The following PTPRT variants were observed in gnomAD, a reference collection of about 807,000 sequenced individuals.
The protein encoded by PTPRT is receptor-type tyrosine-protein phosphatase T.
In PTPRT, 56 loss-of-function variants were observed where a neutral mutation model predicts 176.8. The observed-to-expected ratio is 0.32, with a 90% CI of 0.26 to 0.40. The LOEUF (loss-of-function observed/expected upper bound fraction) is 0.40. PTPRT is among the 10% of genes least tolerant of loss of function. The pLI is 1.00. For missense variants in PTPRT, 1,540 were observed against 1,908.2 expected (o/e 0.81, Z 3.60); for synonymous variants, 783 against 739.0 (o/e 1.06, Z -0.96).
At chr20:42,498,705 C>A (rs1002284975) in intron 7 of PTPRT, among the ~76,000 whole-genome samples, 9 of 152,092 alleles carry the variant, frequency 5.9e-5, no homozygotes, top group African/African-American at 9.7e-5. Context: ...ATGACAGGAA[C>A]CTTGGTTTCC....
At chr20:42,745,028 TTC>T (rs1342204128) in intron 6 of PTPRT, among the ~76,000 whole-genome samples, 1 of 152,172 alleles carries the variant, frequency 6.6e-6, no homozygotes, top group Non-Finnish European at 1.5e-5. Flanking sequence ...AGCAGAAAAT[TTC>T]TCTCAGATCT....
rs190530653 is a variant in PTPRT at position 42,334,652 on chromosome 20, A to T, written c.1865+15976T>A. On this transcript the variant is annotated intron_variant, in intron 11 of 30. Coordinates refer to ENST00000373187, the MANE Select transcript of PTPRT (RefSeq NM_007050.6). The stretch of plus-strand genomic sequence containing the variant: ...TCAAATTGGGGAAAATAATCTGGCA[A>T]TGGTTTTCAAGACATAAATGTTTTT... Among the ~76,000 whole-genome samples, 677 of 152,338 alleles carry T rather than the reference A, an allele frequency of 4.4e-3. 3 individuals are homozygous for T. Among genetic ancestry groups the T allele is most frequent in the Non-Finnish European group, 6.6e-3 (449 of 68,030 alleles).
At chr20:42,586,920 C>T (rs918476712) in intron 7 of PTPRT, among the ~76,000 whole-genome samples, 2 of 152,126 alleles carry the variant, frequency 1.3e-5, no homozygotes, top group Admixed American at 1.3e-4. Context: ...ACCAAGTCAG[C>T]GCAGTCATTG....
chr20:42,636,880 T>C (rs2145916813), intron 7 of PTPRT, among the ~76,000 whole-genome samples: 1 of 152,126 alleles, frequency 6.6e-6, no homozygotes, highest in Admixed American at 6.5e-5. Context: ...TGTGTGGATC[T>C]GATGGCTTTT....
chr20:42,692,234 CAA>C (rs1188685260), intron 6 of PTPRT, among the ~76,000 whole-genome samples: 1 of 152,214 alleles, frequency 6.6e-6, no homozygotes, highest in Non-Finnish European at 1.5e-5. Context: ...CAAGACTTCA[CAA>C]AGATATCACA....
In PTPRT at chr20:42,297,857, C is replaced by T. The variant is rs562717352; in HGVS notation, c.2140-15332G>A. 1.1e-4 allele frequency among the ~76,000 whole-genome samples: 17 copies of T among 152,202 alleles called. No homozygotes were observed. In the South Asian group the frequency reaches 3.1e-3, roughly 28 times the overall value. The stretch of plus-strand genomic sequence containing the variant: ...AAAATTAGATCCATAATTTACATCA[C>T]ACACAAAAACAAAGACCAAACATCA... On this transcript the variant is annotated intron_variant, in intron 12 of 30. Transcript: ENST00000373187.
chr20:43,020,180 A>C (rs182095491), intron 1 of PTPRT, among the ~76,000 whole-genome samples: 1 of 147,906 alleles, frequency 6.8e-6, no homozygotes, highest in Non-Finnish European at 1.5e-5. Flanking sequence ...CTATATAATT[A>C]CATATATAAG....
At chr20:42,763,467 A>T (rs115394888) in intron 5 of PTPRT, among the ~76,000 whole-genome samples, 2,979 of 152,324 alleles carry the variant, frequency 0.02, 89 homozygotes, top group African/African-American at 0.069. Context: ...AAATAATAAA[A>T]AAAAATGATA....
At position 42,127,546 on chromosome 20, in the gene PTPRT, A is replaced by C. The variant is rs537834073; in HGVS notation, c.2847+1208T>G. Among the ~76,000 whole-genome samples, 6 of 152,342 alleles carry C rather than the reference A, an allele frequency of 3.9e-5. No individual in the cohort carries two copies. In the East Asian group the frequency reaches 1.2e-3, roughly 29 times the overall value. On this transcript the variant is annotated intron_variant, in intron 19 of 30. Transcript: ENST00000373187. Reference sequence around the variant, plus strand: ...GTTGAGTTAATAACTCACCTGGCTTAGTCTAGATTAAGGGGGAATTCACAA... The same window carrying C: ...GTTGAGTTAATAACTCACCTGGCTTCGTCTAGATTAAGGGGGAATTCACAA...
chr20:42,250,090 A>G (rs1484088653), intron 13 of PTPRT, among the ~76,000 whole-genome samples: 3 of 152,164 alleles, frequency 2.0e-5, no homozygotes, highest in South Asian at 2.1e-4. Context: ...TCTAAATTCT[A>G]TTAACACTTT....
chr20:42,513,759 T>G (rs372779708), intron 7 of PTPRT, among the ~76,000 whole-genome samples: 1 of 152,168 alleles, frequency 6.6e-6, no homozygotes, highest in Non-Finnish European at 1.5e-5. Flanking sequence ...CATACATTTC[T>G]TTACCCCAAG....
chr20:42,236,734 T>C (rs573678521), intron 14 of PTPRT, among the ~76,000 whole-genome samples: 1 of 152,152 alleles, frequency 6.6e-6, no homozygotes, highest in South Asian at 2.1e-4. Flanking sequence ...CTGTCTCCTC[T>C]ATTTCAGATA....
intron 13 of PTPRT, among the ~76,000 whole-genome samples, chr20:42,255,134 G>C (rs1381060556): frequency 6.6e-6 from 1 of 152,086 alleles, no homozygotes. Flanking sequence ...TGCCCCTTTT[G>C]ATGTCGAGAT....
At chr20:43,034,225 G>GGGCT (rs1986277803) in intron 1 of PTPRT, among the ~76,000 whole-genome samples, 3 of 152,216 alleles carry the variant, frequency 2.0e-5, no homozygotes, top group Non-Finnish European at 4.4e-5. Flanking sequence ...GGTCACAATA[G>GGGCT]CTTCTCAGTA....
chr20:42,879,649 C>G (rs1016689202), intron 2 of PTPRT, among the ~76,000 whole-genome samples: 1 of 152,176 alleles, frequency 6.6e-6, no homozygotes, highest in African/African-American at 2.4e-5. Context: ...CAGGAACCCA[C>G]AGGGAAAGGC....
At chr20:42,506,226 A>G (rs2071841840) in intron 7 of PTPRT, among the ~76,000 whole-genome samples, 1 of 152,182 alleles carries the variant, frequency 6.6e-6, no homozygotes, top group East Asian at 1.9e-4. Flanking sequence ...ACATTTATCA[A>G]TAAGTATGTG....
At chr20:42,540,529 A>G (rs1447204599) in intron 7 of PTPRT, among the ~76,000 whole-genome samples, 2 of 152,200 alleles carry the variant, frequency 1.3e-5, no homozygotes. Context: ...GAGAGAGCAC[A>G]ACACCAGCAC....
intron 2 of PTPRT, among the ~76,000 whole-genome samples, chr20:42,855,215 A>C (rs2078540165): frequency 6.6e-6 from 1 of 152,142 alleles, no homozygotes; most frequent in Admixed American, 6.5e-5. Context: ...AGCATGGTAT[A>C]GTGGAAAGAA....
intron 8 of PTPRT, among the ~76,000 whole-genome samples, chr20:42,463,793 C>T (rs894083497): frequency 6.6e-6 from 1 of 152,102 alleles, no homozygotes; most frequent in African/African-American, 2.4e-5. Context: ...CTTCAGTTGC[C>T]ATATTTCTTT....
Sources: allele counts gnomAD v4.1 joint callset (sites outside exome capture counted in the v4.1 genomes callset), GRCh38; gene constraint gnomAD v4.1.1; transcripts MANE v1.5; gene names NCBI Gene and HGNC (gene_info 2026-07-23, HGNC 2026-07-21).